The following ATXN10 variants were observed in gnomAD, a reference collection of about 807,000 sequenced individuals.
ATXN10 encodes the protein ataxin-10.
In ATXN10, 28 loss-of-function variants were observed where a neutral mutation model predicts 52.9. That is an observed-to-expected ratio of 0.53 (90% CI 0.39 to 0.73). The LOEUF (loss-of-function observed/expected upper bound fraction) is 0.73. ATXN10 is among the 30% of genes least tolerant of loss of function. The probability of loss-of-function intolerance (pLI) is 0.00; values close to 1 mark genes in which losing one functional copy is unlikely to be tolerated. For synonymous variants in ATXN10, 226 were observed against 221.5 expected (o/e 1.02, Z -0.18); for missense variants, 565 against 577.0 (o/e 0.98, Z 0.21).
chr22:45,780,437 A>G lies in ATXN10; in HGVS notation c.1174-26522A>G, dbSNP rs1449944200. ...TGAAAGCCCCCTTGTTGCCTGTTTC[A>G]GAATTTATGCAGTGTGGTGGGAGGA... On this transcript the variant is annotated intron_variant, in intron 9 of 11. Transcript: ENST00000252934. This position sits in a 1 kb window ranked among gnomAD's most constrained non-coding sequence, Gnocchi z 4.0. Among the ~76,000 whole-genome samples the G allele has an allele frequency of 6.6e-6, 1 of 152,152 alleles. No homozygotes were observed. The highest frequency in any genetic ancestry group is 1.5e-5 in the Non-Finnish European group (1 of 68,018).
intron 10 of ATXN10, among the ~76,000 whole-genome samples, chr22:45,807,365 A>G (rs994905164): frequency 6.6e-6 from 1 of 152,214 alleles, no homozygotes; most frequent in Non-Finnish European, 1.5e-5. Flanking sequence ...TAGAGTAGAC[A>G]CGAACTATGG....
chr22:45,680,394 C>T (rs1373856037), intron 1 of ATXN10, among the ~76,000 whole-genome samples: 1 of 152,124 alleles, frequency 6.6e-6, no homozygotes, highest in Non-Finnish European at 1.5e-5. Context: ...GACATCAATA[C>T]CTCCCAAATT....
intron 7 of ATXN10, among the ~76,000 whole-genome samples, chr22:45,731,723 C>G (rs1431920588): frequency 6.6e-6 from 1 of 152,162 alleles, no homozygotes; most frequent in Non-Finnish European, 1.5e-5. Context: ...GACTGCTCGC[C>G]CACGAGAGTG....
intron 9 of ATXN10, among the ~76,000 whole-genome samples, chr22:45,761,255 G>A (rs1926379555): frequency 6.6e-6 from 1 of 152,036 alleles, no homozygotes; most frequent in Non-Finnish European, 1.5e-5. Context: ...CAAGTAGCTG[G>A]GACTTTAATG....
chr22:45,737,762 G>C (rs1017035141), intron 7 of ATXN10, among the ~76,000 whole-genome samples: 2 of 144,924 alleles, frequency 1.4e-5, no homozygotes, highest in African/African-American at 5.1e-5. Context: ...CCAGTGGCGT[G>C]ATCTTGGCTC....
intron 9 of ATXN10, among the ~76,000 whole-genome samples, chr22:45,785,928 T>C (rs1007110420): frequency 6.6e-6 from 1 of 152,250 alleles, no homozygotes; most frequent in Non-Finnish European, 1.5e-5. Flanking sequence ...AGGTTTCTGG[T>C]TGTTTTGGAC....
chr22:45,758,446 A>G (rs929126160), intron 9 of ATXN10, among the ~76,000 whole-genome samples: 5 of 152,246 alleles, frequency 3.3e-5, no homozygotes, highest in Admixed American at 6.5e-5. Context: ...AACAAAATAC[A>G]TAATTCTTTT....
In ATXN10 at chr22:45,775,916, A is replaced by G. The variant is rs1926938528; in HGVS notation, c.1174-31043A>G. Among the ~76,000 whole-genome samples, 1 of 152,094 alleles carries G rather than the reference A, an allele frequency of 6.6e-6. No homozygotes were observed. Among genetic ancestry groups the G allele is most frequent in the Non-Finnish European group, 1.5e-5 (1 of 68,012 alleles). ...TGTTTGAAACCTGGAGCTCCCGGAG[A>G]TTAAGTGGAGCCACCATGGGCACCG... On this transcript the variant is annotated intron_variant, in intron 9 of 11. Coordinates refer to ENST00000252934, the MANE Select transcript of ATXN10 (RefSeq NM_013236.4). The surrounding 1 kb of genome is among the most constrained non-coding windows in gnomAD (Gnocchi z 4.7).
rs776891054 is a variant in ATXN10 at position 45,805,720 on chromosome 22, C to G, written c.1174-1239C>G. Among the ~76,000 whole-genome samples the G allele has an allele frequency of 2.0e-5, 3 of 152,248 alleles. No homozygotes were observed. Among genetic ancestry groups the G allele is most frequent in the East Asian group, 3.9e-4 (2 of 5,182 alleles). On this transcript the variant is annotated intron_variant, in intron 9 of 11. Transcript: ENST00000252934. The surrounding 1 kb of genome is among the most constrained non-coding windows in gnomAD (Gnocchi z 4.4). The stretch of plus-strand genomic sequence containing the variant: ...GGAGGGAAGAATAAGGAGTGACTGC[C>G]AGTGGGTGTGGAGTTTCTTTTAGGG...
Position 45,671,863 on chromosome 22 carries a change from C to G in ATXN10, c.-201C>G, listed in dbSNP as rs1245105276. Reference sequence around the variant, plus strand: ...TCTCCTCCTCCCGCCTGAGGCGAGTCTGGGCTCAGCCTAGAGCTCTCCGGC... The same window carrying G: ...TCTCCTCCTCCCGCCTGAGGCGAGTGTGGGCTCAGCCTAGAGCTCTCCGGC... On this transcript the variant is annotated 5_prime_UTR_variant, in exon 1 of 12. Coordinates refer to ENST00000252934, the MANE Select transcript of ATXN10 (RefSeq NM_013236.4). The G allele has an allele frequency of 4.1e-6, 2 of 492,986 alleles. No homozygotes were observed. Among genetic ancestry groups the G allele is most frequent in the East Asian group, 4.0e-5 (1 of 25,192 alleles). 30.5% of individuals were successfully genotyped at this position (492,986 alleles called of 1,614,324 possible).
rs1486653942 is a variant in ATXN10, at chr22:45,689,843, A to G, written c.248A>G (p.Glu83Gly). ...NLASSLQLIT[E>G]CFRCLRNACI... ...GCTTCCAGTCTGCAGTTAATAACAGAATGCTTCAGGTGTCTTCGCAATGCT... is the reference window on the plus strand; with the variant it reads ...GCTTCCAGTCTGCAGTTAATAACAGGATGCTTCAGGTGTCTTCGCAATGCT... The change falls in exon 2 of 12, where the codon GAA (glutamate) becomes GGA (glycine). Residue 83 changes from glutamate to glycine, a missense_variant. Transcript: ENST00000252934. The G allele has an allele frequency of 6.2e-7, 1 of 1,614,122 alleles. No individual in the cohort carries two copies. Among genetic ancestry groups the G allele is most frequent in the African/African-American group, 1.3e-5 (1 of 74,944 alleles).
In ATXN10 at chr22:45,712,734, C is replaced by T. The variant is rs1323829422; in HGVS notation, c.648-5679C>T. On this transcript the variant is annotated intron_variant, in intron 5 of 11. Transcript: ENST00000252934. The surrounding 1 kb of genome is among the most constrained non-coding windows in gnomAD (Gnocchi z 4.6). ...CATTTTCTTCTAGTAGAGGAAGCAT[C>T]GCCATTGAATCAGTGGACTGTTATT... is the stretch of plus-strand genomic sequence containing the variant. 2.0e-5 allele frequency among the ~76,000 whole-genome samples: 3 copies of T among 152,146 alleles called. No homozygotes were observed. Among genetic ancestry groups the T allele is most frequent in the Admixed American group, 6.5e-5 (1 of 15,272 alleles).
chr22:45,787,188 A>G lies in ATXN10; in HGVS notation c.1174-19771A>G, dbSNP rs1337990952. On this transcript the variant is annotated intron_variant, in intron 9 of 11. Coordinates refer to ENST00000252934, the MANE Select transcript of ATXN10 (RefSeq NM_013236.4). The surrounding 1 kb of genome is among the most constrained non-coding windows in gnomAD (Gnocchi z 4.2). Reference sequence around the variant, plus strand: ...TAAGTATTTAATATATGTGCATTGAAAAACACAGAGAATTTTCATGGATAG... The same window carrying G: ...TAAGTATTTAATATATGTGCATTGAGAAACACAGAGAATTTTCATGGATAG... Among the ~76,000 whole-genome samples the G allele has an allele frequency of 6.6e-6, 1 of 152,198 alleles. No homozygotes were observed. Among genetic ancestry groups the G allele is most frequent in the African/African-American group, 2.4e-5 (1 of 41,444 alleles).
At chr22:45,792,446 C>T (rs1927546959) in intron 9 of ATXN10, 1 of 152,990 alleles carries the variant, frequency 6.5e-6, no homozygotes, top group Non-Finnish European at 1.5e-5. Context: ...TCTTTTCCCC[C>T]TTGGTAACCA....
chr22:45,788,653 C>T (rs960605494), intron 9 of ATXN10, among the ~76,000 whole-genome samples: 1 of 151,826 alleles, frequency 6.6e-6, no homozygotes, highest in Non-Finnish European at 1.5e-5. Context: ...ACCTAGGGAG[C>T]TTTTAGTTCA....
chr22:45,815,786 C>G (rs576589731), intron 10 of ATXN10, among the ~76,000 whole-genome samples: 1 of 152,288 alleles, frequency 6.6e-6, no homozygotes, highest in East Asian at 1.9e-4. Flanking sequence ...GGCTTTGGTC[C>G]TAATTCAGAC....
chr22:45,685,753 A>G (rs1923111400), intron 1 of ATXN10, among the ~76,000 whole-genome samples: 1 of 152,184 alleles, frequency 6.6e-6, no homozygotes, highest in Admixed American at 6.5e-5. Flanking sequence ...CTTTGTCCTC[A>G]TCTGATGAAA....
chr22:45,773,826 G>C (rs1025675946), intron 9 of ATXN10, among the ~76,000 whole-genome samples: 3 of 151,570 alleles, frequency 2.0e-5, no homozygotes, highest in Non-Finnish European at 4.4e-5. Flanking sequence ...ACCACAGAAA[G>C]AAAAAAGAAA....
Position 45,770,484 on chromosome 22 carries a change from G to T in ATXN10, c.1173+29946G>T, listed in dbSNP as rs1198320684. 6.6e-6 allele frequency among the ~76,000 whole-genome samples: 1 copy of T among 152,334 alleles called. No homozygotes were observed. Among genetic ancestry groups the T allele is most frequent in the Middle Eastern group, 3.4e-3 (1 of 294 alleles). ...GTGTGTTGCAACATTAGGTTGCAAT[G>T]CATATGTGTTTCTTACGATCAGATA... On this transcript the variant is annotated intron_variant, in intron 9 of 11. Coordinates refer to ENST00000252934, the MANE Select transcript of ATXN10 (RefSeq NM_013236.4). The surrounding 1 kb of genome is among the most constrained non-coding windows in gnomAD (Gnocchi z 4.5).
Sources: allele counts gnomAD v4.1 joint callset (sites outside exome capture counted in the v4.1 genomes callset), GRCh38; gene constraint gnomAD v4.1.1; non-coding constraint Gnocchi (gnomAD v3.1); transcripts MANE v1.5; gene names NCBI Gene and HGNC (gene_info 2026-07-23, HGNC 2026-07-21).